The following MLIP variants were observed in gnomAD, a reference collection of about 807,000 sequenced individuals.
MLIP encodes muscular LMNA-interacting protein.
In MLIP, 79 loss-of-function variants were observed where a neutral mutation model predicts 84.8. The observed-to-expected ratio is 0.93, with a 90% CI of 0.78 to 1.12. The LOEUF (loss-of-function observed/expected upper bound fraction) is 1.12. MLIP is among the 50% of genes most tolerant of loss of function. The pLI is 0.00. For missense variants in MLIP, 1,257 were observed against 1,160.6 expected (o/e 1.08, Z -1.21); for synonymous variants, 504 against 463.0 (o/e 1.09, Z -1.14).
intron 10 of MLIP, 45 bp downstream of exon 10, chr6:54,189,959 T>G: frequency 7.4e-7 from 1 of 1,350,716 alleles, no homozygotes; most frequent in Non-Finnish European, 1.1e-6. Context: ...TTCTGATCTC[T>G]CAAGAGAGCT....
intron 5 of MLIP, among the ~76,000 whole-genome samples, chr6:54,157,198 T>A (rs1220771842): frequency 6.6e-6 from 1 of 152,100 alleles, no homozygotes; most frequent in Non-Finnish European, 1.5e-5. Context: ...TGGCTCTTAA[T>A]CCTGGTCTTT....
chr6:54,143,065 G>T (rs1378054009), intron 4 of MLIP, among the ~76,000 whole-genome samples: 1 of 151,886 alleles, frequency 6.6e-6, no homozygotes, highest in Non-Finnish European at 1.5e-5. Flanking sequence ...TCTGTCACTC[G>T]GCCTCTATAC....
At chr6:54,181,855 C>G (rs1327174539) in intron 9 of MLIP, among the ~76,000 whole-genome samples, 2 of 152,206 alleles carry the variant, frequency 1.3e-5, no homozygotes, top group Non-Finnish European at 1.5e-5. Flanking sequence ...AGTGCTCTAT[C>G]CAATTGTGGA....
chr6:54,111,297 TA>T, upstream of MLIP: 1 of 1,076,442 alleles, frequency 9.3e-7, no homozygotes, highest in Non-Finnish European at 1.3e-6. Flanking sequence ...GTTCCAAATC[TA>T]AAAATTGTCA....
At chr6:54,101,979 G>A (rs1387076088) in intron 1 of MLIP, among the ~76,000 whole-genome samples, 5 of 152,080 alleles carry the variant, frequency 3.3e-5, no homozygotes, top group African/African-American at 1.2e-4. Context: ...CTCCTGGGTA[G>A]GAACCATATT....
chr6:54,200,619 T>G (rs201851781), intron 10 of MLIP, among the ~76,000 whole-genome samples: 210 of 17,148 alleles, frequency 0.012, no homozygotes, highest in Middle Eastern at 0.036. Context: ...TTTTTTTTTT[T>G]TTTTTTTTTT....
chr6:54,257,295 C>G lies in MLIP; in HGVS notation c.2923-13C>G. On this transcript the variant is annotated splice_polypyrimidine_tract_variant and intron_variant, in intron 12 of 13. Transcript: ENST00000502396. ...CTACTCCTGATCATATCCTGGGCATCTTTTCTGTGAAGCTGAGTCATCCAA... is the reference window on the plus strand; with the variant it reads ...CTACTCCTGATCATATCCTGGGCATGTTTTCTGTGAAGCTGAGTCATCCAA... The G allele has an allele frequency of 6.2e-7, 1 of 1,608,396 alleles. No homozygotes were observed. The highest frequency in any genetic ancestry group is 8.5e-7 in the Non-Finnish European group (1 of 1,176,136).
intron 1 of MLIP, among the ~76,000 whole-genome samples, chr6:54,034,514 T>C (rs1451115869): frequency 2.0e-5 from 3 of 152,174 alleles, no homozygotes; most frequent in Non-Finnish European, 4.4e-5. Flanking sequence ...AGCTAATGTG[T>C]GTGTTTTTCA....
chr6:54,223,650 T>C (rs536059358), intron 11 of MLIP, among the ~76,000 whole-genome samples: 1 of 152,212 alleles, frequency 6.6e-6, no homozygotes, highest in African/African-American at 2.4e-5. Flanking sequence ...AATCACAAAA[T>C]GTGATACCTT....
chr6:54,242,211 T>C (rs1781786697), intron 12 of MLIP, among the ~76,000 whole-genome samples: 1 of 152,196 alleles, frequency 6.6e-6, no homozygotes, highest in Non-Finnish European at 1.5e-5. Flanking sequence ...CTTCACAAGC[T>C]GGCTTTAGCC....
In MLIP at chr6:54,136,721, T is replaced by G. The variant is rs1476041505; in HGVS notation, c.652T>G (p.Ser218Ala). 3.4e-6 allele frequency: 5 copies of G among 1,478,112 alleles called. No individual in the cohort carries two copies. The highest frequency in any genetic ancestry group is 1.4e-5 in the African/African-American group (1 of 71,292). 91.6% of individuals were successfully genotyped at this position (1,478,112 alleles called of 1,614,324 possible). A position where few individuals can be genotyped will look rare whatever the true frequency, so the allele number is the denominator to read the frequency against. Residue 218 changes from serine (S) to alanine (A), a missense_variant, in exon 4 of 14, where the codon TCT becomes GCT. Physicochemically the swap from Ser to Ala is moderately conservative, Grantham distance 99. Coordinates refer to ENST00000502396, the MANE Select transcript of MLIP (RefSeq NM_001281747.2). The part of the protein sequence containing the change: ...APQQKHGQLT[S>A]SPTTSEQLAC... Reference sequence around the variant, plus strand: ...CTATTTCTCTTTCCTCTAGTTAACTTCTTCTCCCACTACCTCTGAGCAGCT... The same window carrying G: ...CTATTTCTCTTTCCTCTAGTTAACTGCTTCTCCCACTACCTCTGAGCAGCT...
chr6:54,090,022 A>T (rs888753165), intron 1 of MLIP, among the ~76,000 whole-genome samples: 2 of 152,086 alleles, frequency 1.3e-5, no homozygotes, highest in Admixed American at 6.6e-5. Context: ...TCTAATTTGG[A>T]AGTGTCATTC....
chr6:54,031,123 C>T (rs1265434644), intron 1 of MLIP, among the ~76,000 whole-genome samples: 1 of 152,036 alleles, frequency 6.6e-6, no homozygotes, highest in Non-Finnish European at 1.5e-5. Context: ...TTAGCCAAAC[C>T]CTAGAATCTT....
chr6:54,138,667 C>T (rs1393749952), intron 4 of MLIP, among the ~76,000 whole-genome samples: 1 of 152,094 alleles, frequency 6.6e-6, no homozygotes, highest in Non-Finnish European at 1.5e-5. Context: ...AACAGGGACC[C>T]TAGCATCCAT....
intron 3 of MLIP, among the ~76,000 whole-genome samples, chr6:54,131,895 T>G (rs116215352): frequency 0.012 from 1,875 of 152,290 alleles, 44 homozygotes; most frequent in African/African-American, 0.041. Flanking sequence ...CAGTTAATCT[T>G]TACTGTGACC....
chr6:54,038,428 T>A (rs1291973912), intron 1 of MLIP, among the ~76,000 whole-genome samples: 3 of 151,904 alleles, frequency 2.0e-5, no homozygotes, highest in African/African-American at 4.8e-5. Context: ...CAATTGTAAT[T>A]TCTTTAATAG....
At chr6:54,182,993 G>C (rs1376910717) in intron 9 of MLIP, among the ~76,000 whole-genome samples, 1 of 152,110 alleles carries the variant, frequency 6.6e-6, no homozygotes, top group African/African-American at 2.4e-5. Context: ...GTGAGCTTGA[G>C]AGACAGAAAA....
intron 1 of MLIP, among the ~76,000 whole-genome samples, chr6:54,028,050 G>C (rs763448763): frequency 2.0e-5 from 3 of 152,100 alleles, no homozygotes; most frequent in Non-Finnish European, 4.4e-5. Context: ...ATAGACTGTG[G>C]TATTAGTGAT....
chr6:54,089,858 T>C (rs1767744831), intron 1 of MLIP, among the ~76,000 whole-genome samples: 1 of 152,164 alleles, frequency 6.6e-6, no homozygotes, highest in Non-Finnish European at 1.5e-5. Flanking sequence ...ATATATTCTC[T>C]GAATGAAATT....
Sources: gnomAD v4.1 joint callset for allele counts (sites outside exome capture counted in the v4.1 genomes callset) on GRCh38, gnomAD v4.1.1 for gene constraint, MANE v1.5 for transcripts, NCBI Gene and HGNC (gene_info 2026-07-23, HGNC 2026-07-21) for gene names.